Variants in MAML3 observed in about 807,000 individuals in gnomAD.
The protein encoded by MAML3 is mastermind-like protein 3.
Under a neutral mutation model 101.9 loss-of-function variants are expected in MAML3, and 27 were observed. The ratio of observed to expected loss-of-function variants is 0.27; its 90% CI spans 0.20 to 0.37. The LOEUF is 0.37. MAML3 is among the 10% of genes least tolerant of loss of function. MAML3 has a pLI of 1.00. For missense variants in MAML3, 1,316 were observed against 1,444.9 expected, an observed-to-expected ratio of 0.91 and a Z score of 1.45; for synonymous variants, 501 against 555.9, an observed-to-expected ratio of 0.90 and a Z score of 1.39.
At position 139,890,195 on chromosome 4, in the gene MAML3, G is replaced by A; in HGVS notation, c.1241C>T (p.Ala414Val). ...GTTTGGAGTTTGAGGGGACTGGACAGCACAGTTTGCTGGTGAGCTTGCAGG... is the reference window on the plus strand; with the variant it reads ...GTTTGGAGTTTGAGGGGACTGGACAACACAGTTTGCTGGTGAGCTTGCAGG... ...PNPASSPANC[A>V]VQSPQTPNQA... The change falls in exon 2 of 5, where the codon GCT becomes GTT. Residue 414 changes from alanine to valine, a missense_variant. Physicochemically the swap from Ala to Val is moderately conservative, Grantham distance 64. Transcript: ENST00000509479. This position sits in a 1 kb window ranked among gnomAD's most constrained non-coding sequence, Gnocchi z 4.1. 1 of 1,613,360 alleles carries A rather than the reference G, an allele frequency of 6.2e-7. No individual in the cohort carries two copies. Among genetic ancestry groups the A allele is most frequent in the Non-Finnish European group, 8.5e-7 (1 of 1,179,894 alleles).
chr4:139,778,470 A>G (rs1730131853), intron 2 of MAML3, among the ~76,000 whole-genome samples: 1 of 152,260 alleles, frequency 6.6e-6, no homozygotes, highest in Non-Finnish European at 1.5e-5. Flanking sequence ...GAGGGCAGCC[A>G]CAGTGGAAGG....
intron 2 of MAML3, among the ~76,000 whole-genome samples, chr4:139,811,444 G>A (rs1730796396): frequency 1.3e-5 from 2 of 152,178 alleles, no homozygotes; most frequent in East Asian, 3.9e-4. Context: ...CAGGGAATTG[G>A]TTGGTTCTGA....
At chr4:140,021,298 G>A (rs1726728827) in intron 1 of MAML3, among the ~76,000 whole-genome samples, 2 of 152,250 alleles carry the variant, frequency 1.3e-5, no homozygotes, top group African/African-American at 4.8e-5. Flanking sequence ...TTTTAGAAGT[G>A]AGTATGGACT....
At chr4:139,920,101 A>G (rs1733098245) in intron 1 of MAML3, among the ~76,000 whole-genome samples, 1 of 152,224 alleles carries the variant, frequency 6.6e-6, no homozygotes, top group Non-Finnish European at 1.5e-5. Context: ...TGTTCATTAC[A>G]AGCACTGTTG....
chr4:140,084,947 G>C (rs905584698), intron 1 of MAML3, among the ~76,000 whole-genome samples: 3 of 152,102 alleles, frequency 2.0e-5, no homozygotes, highest in Admixed American at 6.5e-5. Context: ...GGGGCGGCAG[G>C]GGAGGATAGC....
intron 2 of MAML3, among the ~76,000 whole-genome samples, chr4:139,822,225 T>TCACCACCACCACCACCACCACCAC (rs34942904): frequency 1.6e-5 from 2 of 126,600 alleles, no homozygotes; most frequent in Non-Finnish European, 3.3e-5. Context: ...ATTATCACCA[T>TCACCACCACCACCACCACCACCAC]CACCACCACC....
intron 1 of MAML3, among the ~76,000 whole-genome samples, chr4:139,979,355 G>A (rs1734403362): frequency 6.6e-6 from 1 of 151,922 alleles, no homozygotes; most frequent in Non-Finnish European, 1.5e-5. Context: ...ACATTTTTCT[G>A]CTTGGAGGCA....
chr4:140,059,402 G>A (rs779828165), intron 1 of MAML3, among the ~76,000 whole-genome samples: 51 of 152,270 alleles, frequency 3.3e-4, no homozygotes, highest in Admixed American at 6.5e-4. Flanking sequence ...ACTGTACACA[G>A]ACTTATGGAT....
At chr4:140,046,593 C>T (rs185315217) in intron 1 of MAML3, among the ~76,000 whole-genome samples, 2 of 152,234 alleles carry the variant, frequency 1.3e-5, no homozygotes, top group East Asian at 1.9e-4. Flanking sequence ...GTCTTCGTTA[C>T]GTAACAATTC....
chr4:139,863,832 GTTTTTTTTTTTT>G lies in MAML3; in HGVS notation c.2079+25513_2079+25524del, dbSNP rs58270046. ...TTTCTGTGGTAATACCAGAACATGGGTTTTTTTTTTTTTTTTTTTTTTTTGTACTAAAAACCC... is the reference window on the plus strand; with the variant it reads ...TTTCTGTGGTAATACCAGAACATGGGTTTTTTTTTTTTGTACTAAAAACCC... On this transcript the variant is annotated intron_variant, in intron 2 of 4. Transcript: ENST00000509479. Among the ~76,000 whole-genome samples, 145 of 111,306 alleles carry G rather than the reference GTTTTTTTTTTTT, an allele frequency of 1.3e-3. 5 individuals are homozygous for G. The East Asian group carries it at 0.061, about 46-fold the overall frequency. The allele number at this position is 111,306 out of a possible 152,430, so 73.0% of individuals were successfully genotyped here.
At chr4:140,004,591 C>G (rs1328962971) in intron 1 of MAML3, among the ~76,000 whole-genome samples, 2 of 152,106 alleles carry the variant, frequency 1.3e-5, no homozygotes, top group African/African-American at 2.4e-5. Flanking sequence ...ATGGGATGAA[C>G]AGTGGCTTAG....
intron 1 of MAML3, among the ~76,000 whole-genome samples, chr4:139,982,296 G>A (rs768120304): frequency 6.6e-6 from 1 of 152,096 alleles, no homozygotes; most frequent in Non-Finnish European, 1.5e-5. Context: ...TGGCTCCCGT[G>A]CCCTTTTGAC....
rs1462683928 is a variant in MAML3 at position 139,735,211 on chromosome 4, A to C, written c.2080-4544T>G. On this transcript the variant is annotated intron_variant, in intron 2 of 4. Transcript: ENST00000509479. The surrounding 1 kb of genome is among the most constrained non-coding windows in gnomAD (Gnocchi z 5.8). ...GTGTTCGCACGGCGTGATGGACATCACACACGACAGCCTGAGACAATCCAG... is the reference window on the plus strand; with the variant it reads ...GTGTTCGCACGGCGTGATGGACATCCCACACGACAGCCTGAGACAATCCAG... 6.6e-6 allele frequency among the ~76,000 whole-genome samples: 1 copy of C among 152,232 alleles called. No homozygotes were observed. Among genetic ancestry groups the C allele is most frequent in the Admixed American group, 6.5e-5 (1 of 15,282 alleles).
chr4:140,116,208 T>C (rs1330228073), intron 1 of MAML3, among the ~76,000 whole-genome samples: 3 of 152,244 alleles, frequency 2.0e-5, no homozygotes, highest in African/African-American at 7.2e-5. Context: ...AAAAGCCTTA[T>C]GACAATACCA....
intron 2 of MAML3, among the ~76,000 whole-genome samples, chr4:139,768,135 G>A (rs182624237): frequency 6.6e-6 from 1 of 151,446 alleles, no homozygotes; most frequent in East Asian, 1.9e-4. Flanking sequence ...GTTCCTTATA[G>A]ATTTTGGATA....
Position 139,967,536 on chromosome 4 carries a change from G to A in MAML3, c.469-76569C>T, listed in dbSNP as rs188898570. Among the ~76,000 whole-genome samples the A allele has an allele frequency of 6.2e-4, 93 of 149,678 alleles. 2 individuals carry two copies. In the South Asian group the frequency reaches 0.01, roughly 16 times the overall value. On this transcript the variant is annotated intron_variant, in intron 1 of 4. Transcript: ENST00000509479. ...CACACTCTATTCTTCATCCCCGGCA[G>A]TTTCCCAAATGAGATCTGCCATCAT... is the stretch of plus-strand genomic sequence containing the variant.
At chr4:139,967,469 G>GACACACACACACACACAC (rs4057112) in intron 1 of MAML3, among the ~76,000 whole-genome samples, 16 of 141,460 alleles carry the variant, frequency 1.1e-4, no homozygotes, top group African/African-American at 3.4e-4. Context: ...CTTTTTAAGG[G>GACACACACACACACACAC]ACACACACAC....
intron 1 of MAML3, among the ~76,000 whole-genome samples, chr4:140,043,225 C>G (rs1297307193): frequency 1.3e-5 from 2 of 152,094 alleles, no homozygotes; most frequent in Non-Finnish European, 2.9e-5. Context: ...TCTTCACTTA[C>G]GGATGCAGAA....
intron 1 of MAML3, among the ~76,000 whole-genome samples, chr4:139,915,613 T>A (rs562967834): frequency 6.6e-6 from 1 of 152,274 alleles, no homozygotes; most frequent in South Asian, 2.1e-4. Flanking sequence ...CACTGCTTCA[T>A]CTCAGAAACC....
Sources: gnomAD v4.1 joint callset for allele counts (sites outside exome capture counted in the v4.1 genomes callset) on GRCh38, gnomAD v4.1.1 for gene constraint, Gnocchi (gnomAD v3.1) non-coding constraint, MANE v1.5 for transcripts, NCBI Gene and HGNC (gene_info 2026-07-23, HGNC 2026-07-21) for gene names.